Variants in ENOX1 observed in about 807,000 individuals in gnomAD.
The protein encoded by ENOX1 is candidate growth-related and time keeping constitutive hydroquinone (NADH) oxidase.
ENOX1 carries 42 observed loss-of-function variants against 82.5 expected under a neutral mutation model. That is an observed-to-expected ratio of 0.51 (90% CI 0.40 to 0.66). The LOEUF is 0.66. ENOX1 is among the 30% of genes least tolerant of loss of function. The pLI is 0.00. For synonymous variants in ENOX1, 271 were observed against 282.2 expected, an observed-to-expected ratio of 0.96 and a Z score of 0.40; for missense variants, 608 against 811.6, an observed-to-expected ratio of 0.75 and a Z score of 3.05.
intron 3 of ENOX1, among the ~76,000 whole-genome samples, chr13:43,439,193 G>A (rs1458899986): frequency 3.3e-5 from 5 of 151,166 alleles, no homozygotes; most frequent in Admixed American, 6.6e-5. Context: ...GGGATTACAG[G>A]CACCCGTGGG....
At chr13:43,570,395 C>T (rs56691162) in intron 2 of ENOX1, among the ~76,000 whole-genome samples, 2,321 of 152,122 alleles carry the variant, frequency 0.015, 58 homozygotes, top group African/African-American at 0.053. Flanking sequence ...CTGTAGTTCA[C>T]TAAAAATTTG....
rs181326643 is a variant in ENOX1 at position 43,640,605 on chromosome 13, A to T, written c.-219+26874T>A. ...TGAGTAATATGCACCAATCAACTCA[A>T]ATTTTGTTATATAATCCTTTATAAC... On this transcript the variant is annotated intron_variant, in intron 2 of 16. Transcript: ENST00000690772. 9.9e-5 allele frequency among the ~76,000 whole-genome samples: 15 copies of T among 152,264 alleles called. No individual in the cohort carries two copies. The East Asian group carries it at 2.5e-3, about 25-fold the overall frequency.
At chr13:43,765,844 A>C (rs899225691) in intron 1 of ENOX1, among the ~76,000 whole-genome samples, 1 of 152,212 alleles carries the variant, frequency 6.6e-6, no homozygotes, top group African/African-American at 2.4e-5. Flanking sequence ...GATTATAATA[A>C]AGATAGTAAT....
chr13:43,463,090 C>T (rs1042649907), intron 3 of ENOX1, among the ~76,000 whole-genome samples: 5 of 152,126 alleles, frequency 3.3e-5, no homozygotes, highest in African/African-American at 7.2e-5. Context: ...TTTCTTTAAA[C>T]GGTAGTAATC....
chr13:43,588,743 GGCT>G (rs1444170051), intron 2 of ENOX1, among the ~76,000 whole-genome samples: 1 of 152,154 alleles, frequency 6.6e-6, no homozygotes, highest in Non-Finnish European at 1.5e-5. Flanking sequence ...ATGAAAACAG[GGCT>G]GCTCTGGTGA....
chr13:43,683,059 C>T (rs1456462934), intron 1 of ENOX1, among the ~76,000 whole-genome samples: 1 of 152,106 alleles, frequency 6.6e-6, no homozygotes, highest in African/African-American at 2.4e-5. Flanking sequence ...TCTAAGGTAT[C>T]TCATCCTTTA....
intron 6 of ENOX1, among the ~76,000 whole-genome samples, chr13:43,360,624 A>G: frequency 6.6e-6 from 1 of 152,110 alleles, no homozygotes; most frequent in East Asian, 1.9e-4. Flanking sequence ...ACACTCTCAC[A>G]ATATTTTACC....
chr13:43,630,522 G>A (rs956822667), intron 2 of ENOX1, among the ~76,000 whole-genome samples: 6 of 151,866 alleles, frequency 4.0e-5, no homozygotes, highest in Admixed American at 1.3e-4. Flanking sequence ...GGTTTTTGTT[G>A]GTTTTACTTC....
intron 2 of ENOX1, among the ~76,000 whole-genome samples, chr13:43,532,414 T>G (rs2078270190): frequency 6.6e-6 from 1 of 152,134 alleles, no homozygotes; most frequent in Admixed American, 6.6e-5. Context: ...GATAGATCCT[T>G]TTTTATGGTC....
At chr13:43,617,267 CT>C (rs1322801654) in intron 2 of ENOX1, among the ~76,000 whole-genome samples, 1 of 152,192 alleles carries the variant, frequency 6.6e-6, no homozygotes, top group Non-Finnish European at 1.5e-5. Context: ...AATGAAGCTG[CT>C]ATGGATATCC....
chr13:43,449,273 A>G (rs1220953537), intron 3 of ENOX1, among the ~76,000 whole-genome samples: 4 of 152,176 alleles, frequency 2.6e-5, no homozygotes, highest in African/African-American at 9.7e-5. Context: ...GGTTTCTTGG[A>G]AAAGGGTCAA....
intron 2 of ENOX1, among the ~76,000 whole-genome samples, chr13:43,635,394 G>A (rs1230412932): frequency 1.3e-5 from 2 of 152,066 alleles, no homozygotes; most frequent in Non-Finnish European, 1.5e-5. Context: ...ACAAATGTCC[G>A]TTACAAAAAG....
chr13:43,217,721 G>T (rs2041562251), intron 16 of ENOX1, among the ~76,000 whole-genome samples: 1 of 152,134 alleles, frequency 6.6e-6, no homozygotes, highest in Non-Finnish European at 1.5e-5. Context: ...ACTTCTTTGG[G>T]CCTGTCTTCT....
chr13:43,426,406 T>C (rs1204998106), intron 3 of ENOX1, among the ~76,000 whole-genome samples: 4 of 152,220 alleles, frequency 2.6e-5, no homozygotes, highest in South Asian at 2.1e-4. Context: ...ATTGCTACGA[T>C]GGTTTACTAT....
chr13:43,748,917 T>C (rs532477299), intron 1 of ENOX1, among the ~76,000 whole-genome samples: 24 of 152,312 alleles, frequency 1.6e-4, no homozygotes, highest in African/African-American at 5.5e-4. Context: ...TGGGTTTAAA[T>C]TTTTTTGTAC....
intron 1 of ENOX1, among the ~76,000 whole-genome samples, chr13:43,759,270 G>A (rs1950830140): frequency 6.6e-6 from 1 of 151,772 alleles, no homozygotes; most frequent in Non-Finnish European, 1.5e-5. Flanking sequence ...CTAATTTTTT[G>A]TATTTTTAGT....
intron 11 of ENOX1, among the ~76,000 whole-genome samples, chr13:43,298,917 A>T (rs549079314): frequency 9.2e-5 from 14 of 152,288 alleles, no homozygotes; most frequent in African/African-American, 3.4e-4. Context: ...TTTCTACGGG[A>T]TTGCTTAGCT....
chr13:43,695,569 T>C (rs976487389), intron 1 of ENOX1, among the ~76,000 whole-genome samples: 2 of 151,158 alleles, frequency 1.3e-5, no homozygotes, highest in African/African-American at 4.9e-5. Context: ...AGCCTCAGCC[T>C]CCTGAGTAGC....
At chr13:43,447,951 A>G (rs2056749225) in intron 3 of ENOX1, among the ~76,000 whole-genome samples, 1 of 152,236 alleles carries the variant, frequency 6.6e-6, no homozygotes, top group Admixed American at 6.5e-5. Flanking sequence ...ATACAGATAT[A>G]GAAATGTTTA....
Sources: gnomAD v4.1 joint callset for allele counts (sites outside exome capture counted in the v4.1 genomes callset) on GRCh38, gnomAD v4.1.1 for gene constraint, MANE v1.5 for transcripts, NCBI Gene and HGNC (gene_info 2026-07-23, HGNC 2026-07-21) for gene names.